Variants in COQ2 observed in about 807,000 individuals in gnomAD.
COQ2 encodes the protein 4-hydroxybenzoate polyprenyltransferase, mitochondrial.
COQ2 carries 25 observed loss-of-function variants against 35.7 expected under a neutral mutation model. The observed-to-expected ratio is 0.70, with a 90% CI of 0.51 to 0.98. The LOEUF is 0.98. Among genes scored for constraint, COQ2 ranks in the 50% least tolerant of loss-of-function variants. The pLI is 0.00. For synonymous variants in COQ2, 206 were observed against 186.2 expected, an observed-to-expected ratio of 1.11 and a Z score of -0.86; for missense variants, 488 against 473.5, an observed-to-expected ratio of 1.03 and a Z score of -0.28.
At chr4:83,272,755 T>C (rs1384005274) in intron 3 of COQ2, among the ~76,000 whole-genome samples, 2 of 152,170 alleles carry the variant, frequency 1.3e-5, no homozygotes, top group African/African-American at 4.8e-5. Flanking sequence ...TCCCTCCTTA[T>C]ATATATGATG....
intron 1 of COQ2, among the ~76,000 whole-genome samples, chr4:83,280,879 A>G (rs1735304705): frequency 1.3e-5 from 2 of 152,258 alleles, no homozygotes; most frequent in African/African-American, 4.8e-5. Flanking sequence ...GTGCTCACAA[A>G]GCATCAGGCA....
intron 2 of COQ2, among the ~76,000 whole-genome samples, chr4:83,273,969 C>T (rs1053152791): frequency 2.5e-5 from 3 of 120,468 alleles, no homozygotes; most frequent in East Asian, 2.4e-4. Context: ...CATAAGGAGG[C>T]GCTGTCTCTA....
Position 83,264,194 on chromosome 4 carries a change from A to G in COQ2, c.*5T>C. ...TTTTAAAAATTCCTAGATAAATTTCATTCATTAATTTTCTATTTTATTCTC... is the reference window on the plus strand; with the variant it reads ...TTTTAAAAATTCCTAGATAAATTTCGTTCATTAATTTTCTATTTTATTCTC... On this transcript the variant is annotated 3_prime_UTR_variant, in exon 7 of 7. Coordinates refer to ENST00000647002, the MANE Select transcript of COQ2 (RefSeq NM_001358921.2). The G allele has an allele frequency of 8.0e-7, 1 of 1,249,982 alleles. No homozygotes were observed. The highest frequency in any genetic ancestry group is 1.5e-5 in the South Asian group (1 of 66,474). 77.4% of individuals were successfully genotyped at this position (1,249,982 alleles called of 1,614,324 possible).
chr4:83,279,331 A>C (rs944598821), intron 1 of COQ2, among the ~76,000 whole-genome samples: 1 of 151,746 alleles, frequency 6.6e-6, no homozygotes, highest in Admixed American at 6.5e-5. Context: ...AAAAAAGACA[A>C]AACATAATAA....
chr4:83,265,531 T>G (rs370252275), intron 6 of COQ2, among the ~76,000 whole-genome samples: 1 of 152,066 alleles, frequency 6.6e-6, no homozygotes, highest in African/African-American at 2.4e-5. Flanking sequence ...GCCAAGATCG[T>G]GCCACTTCAC....
chr4:83,272,091 G>A lies in COQ2; in HGVS notation c.624C>T (p.Ala208=). The change falls in exon 4 of 7, where the codon GCC becomes GCT. Residue 208 remains alanine (A), a synonymous_variant. Coordinates refer to ENST00000647002, the MANE Select transcript of COQ2 (RefSeq NM_001358921.2). ...TTTTAGTTATTGTAAGCTCACCCAA[G>A]GCTAGTTGAGGCCAGTATGAAATTC... ...MKRISYWPQL[A]LGLTFNWGAL... 1.3e-6 allele frequency: 2 copies of A among 1,598,104 alleles called. No homozygotes were observed. The highest frequency in any genetic ancestry group is 1.7e-6 in the Non-Finnish European group (2 of 1,170,076).
intron 2 of COQ2, 137 bp from the exon 3 acceptor site, chr4:83,273,754 A>T (rs973953412): frequency 3.6e-6 from 3 of 837,246 alleles, no homozygotes; most frequent in Non-Finnish European, 5.7e-6. Flanking sequence ...ACTGTCAGAA[A>T]TCAAAACTTC....
chr4:83,264,350 T>C lies in COQ2; in HGVS notation c.965A>G (p.Asp322Gly). ...CCAACAATCCTCAGGTCTGTGGATG[T>C]CTAGAGTGTAAATCTGCAAGAGAGG... ...AHLTHQIYTL[D>G]IHRPEDCWNK... The change falls in exon 7 of 7, where the codon GAC becomes GGC. Residue 322 changes from aspartate (D) to glycine (G), a missense_variant. Transcript: ENST00000647002. The C allele has an allele frequency of 6.2e-7, 1 of 1,608,054 alleles. No homozygotes were observed. The highest frequency in any genetic ancestry group is 8.5e-7 in the Non-Finnish European group (1 of 1,177,640).
chr4:83,273,122 T>C (rs1735088082), intron 3 of COQ2, among the ~76,000 whole-genome samples: 1 of 152,202 alleles, frequency 6.6e-6, no homozygotes, highest in South Asian at 2.1e-4. Context: ...AAAATGAATA[T>C]AATCACTTCT....
At chr4:83,285,008 T>A, upstream of COQ2, 1 of 888,094 alleles carries the variant, frequency 1.1e-6, no homozygotes, top group East Asian at 3.2e-5. Flanking sequence ...TTGTAATTTT[T>A]TACAACTCGA....
At chr4:83,274,005 A>T (rs1271361761) in intron 2 of COQ2, among the ~76,000 whole-genome samples, 2 of 150,070 alleles carry the variant, frequency 1.3e-5, no homozygotes, top group African/African-American at 4.9e-5. Context: ...AAAAAAAAAA[A>T]ATTAGCCAGG....
At chr4:83,271,280 T>C (rs147423629) in intron 4 of COQ2, among the ~76,000 whole-genome samples, 1 of 152,326 alleles carries the variant, frequency 6.6e-6, no homozygotes, top group East Asian at 1.9e-4. Flanking sequence ...AACGTATTCT[T>C]GGTTGAATTA....
intron 3 of COQ2, among the ~76,000 whole-genome samples, chr4:83,273,036 A>T (rs1308491201): frequency 6.6e-6 from 1 of 152,214 alleles, no homozygotes; most frequent in Non-Finnish European, 1.5e-5. Flanking sequence ...GAGATACAGG[A>T]ATGAGTCCTC....
intron 4 of COQ2, among the ~76,000 whole-genome samples, chr4:83,270,713 A>T (rs981570753): frequency 6.6e-6 from 1 of 151,508 alleles, no homozygotes; most frequent in African/African-American, 2.4e-5. Flanking sequence ...GTCCCATAGC[A>T]CTCCTGCCTG....
At chr4:83,279,362 A>C (rs1038864429) in intron 1 of COQ2, among the ~76,000 whole-genome samples, 8 of 152,238 alleles carry the variant, frequency 5.3e-5, no homozygotes, top group Admixed American at 3.9e-4. Flanking sequence ...AAAAAGAAAT[A>C]CAAATGGCTC....
At chr4:83,267,129 CT>C (rs1254963852) in intron 6 of COQ2, 11 of 453,224 alleles carry the variant, frequency 2.4e-5, no homozygotes, top group Non-Finnish European at 4.4e-5. Flanking sequence ...AATCCCAGCA[CT>C]TTTGGGAGAC....
chr4:83,284,131 C>T (rs1735394253), intron 1 of COQ2: 2 of 985,420 alleles, frequency 2.0e-6, no homozygotes, highest in Non-Finnish European at 2.4e-6. Context: ...TGAAGGAGGG[C>T]CACGAGAACG....
intron 6 of COQ2, 118 bp from the exon 7 acceptor site, chr4:83,264,481 T>C: frequency 7.0e-7 from 1 of 1,420,964 alleles, no homozygotes; most frequent in Non-Finnish European, 9.2e-7. Flanking sequence ...ATATAAAAAA[T>C]GAAAAATTAG....
chr4:83,269,971 C>T lies in COQ2; in HGVS notation c.651G>A (p.Ala217=), dbSNP rs199581249. ...CCTTGATAGCAGACCATCCAAGTAACGCTCCCCAATTAAATGTCAAGCCTA... is the reference window on the plus strand; with the variant it reads ...CCTTGATAGCAGACCATCCAAGTAATGCTCCCCAATTAAATGTCAAGCCTA... ...LALGLTFNWG[A]LLGWSAIKGS... is the part of the protein sequence containing the mutation. Residue 217 remains alanine (A), a synonymous_variant, in exon 5 of 7, where the codon GCG becomes GCA. Transcript: ENST00000647002. 8.5e-4 allele frequency: 1,373 copies of T among 1,612,884 alleles called. 1 individual carries two copies. The highest frequency in any genetic ancestry group is 1.4e-3 in the Admixed American group (84 of 59,738).
Sources: allele counts gnomAD v4.1 joint callset (sites outside exome capture counted in the v4.1 genomes callset), GRCh38; gene constraint gnomAD v4.1.1; transcripts MANE v1.5; gene names NCBI Gene and HGNC (gene_info 2026-07-23, HGNC 2026-07-21).